PTPRD: variants seen among roughly 807,000 people sequenced by gnomAD.
The protein encoded by PTPRD is receptor-type tyrosine-protein phosphatase delta.
A neutral mutation model predicts 214.5 loss-of-function variants in PTPRD; 34 were observed. That is an observed-to-expected ratio of 0.16 (90% CI 0.12 to 0.21). PTPRD has a LOEUF of 0.21. PTPRD is among the 10% of genes least tolerant of loss of function. The pLI, the probability that PTPRD is intolerant of heterozygous loss-of-function variation, is 1.00. For synonymous variants in PTPRD, 1,128 were observed against 845.7 expected, an observed-to-expected ratio of 1.33 and a Z score of -5.79; for missense variants, 2,545 against 2,398.7, an observed-to-expected ratio of 1.06 and a Z score of -1.27.
chr9:8,557,457 T>TATA (rs1564324431), intron 14 of PTPRD, among the ~76,000 whole-genome samples: 4 of 135,744 alleles, frequency 2.9e-5, no homozygotes, highest in African/African-American at 1.1e-4. Flanking sequence ...TATATATATA[T>TATA]TTGGGCCGGG....
intron 14 of PTPRD, among the ~76,000 whole-genome samples, chr9:8,584,485 T>C (rs1355679176): frequency 2.6e-5 from 4 of 152,268 alleles, no homozygotes; most frequent in African/African-American, 4.8e-5. Context: ...TTCTCTATTA[T>C]GTTTTTACTT....
chr9:10,014,131 A>C (rs1364604698), intron 4 of PTPRD, among the ~76,000 whole-genome samples: 1 of 151,972 alleles, frequency 6.6e-6, no homozygotes, highest in Non-Finnish European at 1.5e-5. Context: ...TGTTTGCTTA[A>C]AGTTACATAA....
At chr9:8,487,053 C>G (rs1287265022) in intron 27 of PTPRD, among the ~76,000 whole-genome samples, 1 of 152,052 alleles carries the variant, frequency 6.6e-6, no homozygotes, top group Non-Finnish European at 1.5e-5. Context: ...TTAATTTGCA[C>G]TTTCTAACTT....
In PTPRD at chr9:9,326,806, G is replaced by T. The variant is rs1218808563; in HGVS notation, c.-203+70643C>A. Reference sequence around the variant, plus strand: ...AAAGGTATTTTTTCATGATTTACTAGAAGAAACTATTTCACCTTATAAAAA... The same window carrying T: ...AAAGGTATTTTTTCATGATTTACTATAAGAAACTATTTCACCTTATAAAAA... On this transcript the variant is annotated intron_variant, in intron 9 of 45. Transcript: ENST00000381196. Among the ~76,000 whole-genome samples, 4 of 152,146 alleles carry T rather than the reference G, an allele frequency of 2.6e-5. No homozygotes were observed. In the East Asian group the frequency reaches 7.7e-4, roughly 29 times the overall value.
chr9:9,844,768 G>C (rs2059098256), intron 5 of PTPRD, among the ~76,000 whole-genome samples: 1 of 151,568 alleles, frequency 6.6e-6, no homozygotes, highest in Admixed American at 6.6e-5. Context: ...AAAAATCCAG[G>C]AGTTTTAGAA....
At chr9:9,401,311 T>C (rs2070360511) in intron 8 of PTPRD, among the ~76,000 whole-genome samples, 1 of 152,038 alleles carries the variant, frequency 6.6e-6, no homozygotes, top group South Asian at 2.1e-4. Context: ...CAGATATATA[T>C]ACACAAGTAA....
chr9:9,816,723 C>T (rs887117545), intron 5 of PTPRD, among the ~76,000 whole-genome samples: 1 of 151,966 alleles, frequency 6.6e-6, no homozygotes, highest in African/African-American at 2.4e-5. Context: ...CCCAAAATAT[C>T]ACTGTGGCTA....
intron 3 of PTPRD, among the ~76,000 whole-genome samples, chr9:10,202,414 T>G (rs7874279): frequency 6.6e-6 from 1 of 151,472 alleles, no homozygotes; most frequent in Non-Finnish European, 1.5e-5. Flanking sequence ...TAGTCTAAGG[T>G]GCTTTTCCCA....
chr9:8,613,039 T>C (rs913714632), intron 14 of PTPRD, among the ~76,000 whole-genome samples: 2 of 152,160 alleles, frequency 1.3e-5, no homozygotes, highest in African/African-American at 4.8e-5. Context: ...TATTCAACAT[T>C]CTGTCAATAA....
intron 4 of PTPRD, among the ~76,000 whole-genome samples, chr9:10,006,713 A>T (rs907024523): frequency 2.6e-5 from 4 of 151,938 alleles, no homozygotes; most frequent in Non-Finnish European, 5.9e-5. Context: ...GATTTCTTCT[A>T]TGTTTCTTAC....
At chr9:9,614,659 T>C (rs1459118663) in intron 7 of PTPRD, among the ~76,000 whole-genome samples, 1 of 152,174 alleles carries the variant, frequency 6.6e-6, no homozygotes, top group South Asian at 2.1e-4. Flanking sequence ...TTCAAATTAT[T>C]TTGCAGTATA....
At chr9:10,139,118 GAT>G (rs564129407) in intron 3 of PTPRD, among the ~76,000 whole-genome samples, 19 of 152,120 alleles carry the variant, frequency 1.2e-4, no homozygotes, top group African/African-American at 4.1e-4. Context: ...CTTCGCTAAT[GAT>G]ATGATTCTAT....
intron 11 of PTPRD, among the ~76,000 whole-genome samples, chr9:8,757,982 C>G (rs1432876365): frequency 6.6e-6 from 1 of 152,142 alleles, no homozygotes; most frequent in Non-Finnish European, 1.5e-5. Flanking sequence ...GTGTTACATT[C>G]TCCACTTTCT....
intron 8 of PTPRD, among the ~76,000 whole-genome samples, chr9:9,424,769 C>T (rs553945257): frequency 2.6e-5 from 4 of 152,144 alleles, no homozygotes; most frequent in African/African-American, 9.6e-5. Flanking sequence ...TCACTAGATA[C>T]AAAGTCAATA....
At chr9:8,979,983 T>C (rs77450160) in intron 11 of PTPRD, among the ~76,000 whole-genome samples, 52 of 152,006 alleles carry the variant, frequency 3.4e-4, no homozygotes, top group African/African-American at 9.6e-4. Flanking sequence ...GATGAGCAAA[T>C]GGATACAGAA....
At chr9:10,417,301 G>A (rs1443153858) in intron 2 of PTPRD, among the ~76,000 whole-genome samples, 1 of 151,810 alleles carries the variant, frequency 6.6e-6, no homozygotes, top group East Asian at 2.0e-4. Context: ...CAATGAAAGG[G>A]TGAACATTGA....
chr9:10,396,128 G>T lies in PTPRD; in HGVS notation c.-599-55111C>A, dbSNP rs185381649. On this transcript the variant is annotated intron_variant, in intron 2 of 45. Transcript: ENST00000381196. ...GGACTCCATGAAAACCCCTCAGATT[G>T]TTATACCTCCTCACCTTTTTATACT... 1.1e-4 allele frequency among the ~76,000 whole-genome samples: 17 copies of T among 151,974 alleles called. No individual in the cohort carries two copies. In the East Asian group the frequency reaches 3.3e-3, roughly 30 times the overall value.
chr9:9,085,959 C>T (rs992566904), intron 10 of PTPRD, among the ~76,000 whole-genome samples: 2 of 152,062 alleles, frequency 1.3e-5, no homozygotes, highest in Admixed American at 6.6e-5. Context: ...TTTGCTTTCT[C>T]CACCAGTGAA....
At position 10,307,713 on chromosome 9, in the gene PTPRD, A is replaced by C. The variant is rs117974294; in HGVS notation, c.-545+33250T>G. ...CTTAAATACTGGATGTAAAAGATAC[A>C]TCCTTGCCAGCATCTCTTATTTTTT... On this transcript the variant is annotated intron_variant, in intron 3 of 45. Transcript: ENST00000381196. Among the ~76,000 whole-genome samples the C allele has an allele frequency of 3.2e-4, 48 of 152,144 alleles. No individual in the cohort carries two copies. The East Asian group carries it at 5.8e-3, about 18-fold the overall frequency.
Sources: gnomAD v4.1 joint callset for allele counts (sites outside exome capture counted in the v4.1 genomes callset) on GRCh38, gnomAD v4.1.1 for gene constraint, MANE v1.5 for transcripts, NCBI Gene and HGNC (gene_info 2026-07-23, HGNC 2026-07-21) for gene names.